The following ANKMY1 variants were observed in gnomAD, a reference collection of about 807,000 sequenced individuals.
ANKMY1 encodes the protein ankyrin repeat and MYND domain-containing protein 1.
In ANKMY1, 98 loss-of-function variants were observed where a neutral mutation model predicts 102.0. The observed-to-expected ratio is 0.96, with a 90% CI of 0.82 to 1.14. ANKMY1 has a LOEUF of 1.14. ANKMY1 is among the 50% of genes most tolerant of loss of function. ANKMY1 has a pLI of 0.00. For missense variants in ANKMY1, 1,330 were observed against 1,347.6 expected (o/e 0.99, Z 0.20); for synonymous variants, 582 against 559.9 (o/e 1.04, Z -0.56).
the ANKMY1 span, among the ~76,000 whole-genome samples, chr2:240,470,309 G>T: frequency 6.6e-6 from 1 of 152,210 alleles, no homozygotes; most frequent in Non-Finnish European, 1.5e-5. Flanking sequence ...AGCCATCAAA[G>T]AAGTGGGTAG....
intron 4 of ANKMY1, among the ~76,000 whole-genome samples, chr2:240,536,763 T>A (rs1035512805): frequency 9.2e-5 from 14 of 152,264 alleles, no homozygotes; most frequent in South Asian, 2.1e-4. Flanking sequence ...ATCAGGCAGT[T>A]AATAAAAAGA....
In ANKMY1 at chr2:240,537,772, C is replaced by T. The variant is rs544858366; in HGVS notation, c.481-8263G>A. Among the ~76,000 whole-genome samples, 112 of 152,358 alleles carry T rather than the reference C, an allele frequency of 7.4e-4. 1 individual carries two copies. The South Asian group carries it at 0.01, about 14-fold the overall frequency. On this transcript the variant is annotated intron_variant, in intron 4 of 17. Coordinates refer to ENST00000401804, the MANE Select transcript of ANKMY1 (RefSeq NM_001282771.3). The stretch of plus-strand genomic sequence containing the variant: ...AGTTTGGCCTAAAGGTTCTTCTGCA[C>T]GCTGTAAACCACAACAAGTGGAGGT...
In ANKMY1 at chr2:240,523,887, G is replaced by T. The variant is rs139230988; in HGVS notation, c.1830C>A (p.Ile610=). Residue 610 remains isoleucine, a splice_region_variant and synonymous_variant, in exon 8 of 18, where the codon ATC becomes ATA. Coordinates refer to ENST00000401804, the MANE Select transcript of ANKMY1 (RefSeq NM_001282771.3). ...GTMRRMALSM[I]ERRKRWRTIK... is the part of the protein sequence containing the mutation. ...CACCAGCTGGTGCCAGGACCTACTC[G>T]ATCATGGACAGCGCCATCCTCCGCA... The T allele has an allele frequency of 9.9e-6, 16 of 1,609,362 alleles. No homozygotes were observed. Among genetic ancestry groups the T allele is most frequent in the South Asian group, 2.2e-5 (2 of 91,008 alleles).
At chr2:240,560,487 C>T, upstream of ANKMY1, 1 of 789,734 alleles carries the variant, frequency 1.3e-6, no homozygotes, top group Non-Finnish European at 1.8e-6. Context: ...CATGCCCCGG[C>T]CCCAACGAGA....
At chr2:240,546,215 T>C (rs1030984962) in intron 4 of ANKMY1, among the ~76,000 whole-genome samples, 3 of 151,920 alleles carry the variant, frequency 2.0e-5, no homozygotes, top group Non-Finnish European at 4.4e-5. Context: ...TCAACATTCT[T>C]AAAGAAAAGA....
At chr2:240,507,438 C>A (rs2079282776) in intron 13 of ANKMY1, 122 bp downstream of exon 13, 2 of 1,251,906 alleles carry the variant, frequency 1.6e-6, no homozygotes, top group Non-Finnish European at 2.1e-6. Flanking sequence ...TACCCCTCAC[C>A]CAGGGCCACC....
chr2:240,511,881 C>T lies in ANKMY1; in HGVS notation c.2266G>A (p.Glu756Lys), dbSNP rs370283686. The stretch of plus-strand genomic sequence containing the variant: ...CTCACCTTGTTGTCATCCTCCCGCT[C>T]GCAGGCCATGTGCAGAGCCGTCCTG... ...GGRTALHMAC[E>K]REDDNKCARD... The change falls in exon 11 of 18, where the codon GAG becomes AAG. Residue 756 changes from glutamate to lysine, a missense_variant. Coordinates refer to ENST00000401804, the MANE Select transcript of ANKMY1 (RefSeq NM_001282771.3). 38 of 1,591,108 alleles carry T rather than the reference C, an allele frequency of 2.4e-5. No individual in the cohort carries two copies. Among genetic ancestry groups the T allele is most frequent in the East Asian group, 4.7e-5 (2 of 42,870 alleles).
intron 12 of ANKMY1, among the ~76,000 whole-genome samples, chr2:240,508,435 A>T (rs1201070830): frequency 6.6e-6 from 1 of 152,264 alleles, no homozygotes; most frequent in African/African-American, 2.4e-5. Context: ...GCCCCATTCT[A>T]CGTCAGCTTT....
intron 15 of ANKMY1, among the ~76,000 whole-genome samples, chr2:240,491,909 T>C (rs751465316): frequency 6.6e-5 from 10 of 152,254 alleles, no homozygotes; most frequent in Non-Finnish European, 1.5e-4. Context: ...TGTATCTTCC[T>C]GTGGTTCATT....
At chr2:240,517,037 G>A (rs1300928549) in intron 9 of ANKMY1, among the ~76,000 whole-genome samples, 1 of 152,066 alleles carries the variant, frequency 6.6e-6, no homozygotes, top group African/African-American at 2.4e-5. Flanking sequence ...TTTTTTCTCT[G>A]TCTTCCTGAC....
intron 17 of ANKMY1, among the ~76,000 whole-genome samples, chr2:240,480,187 G>A (rs1028602171): frequency 2.0e-5 from 3 of 152,158 alleles, no homozygotes; most frequent in African/African-American, 4.8e-5. Context: ...GCAAGACTTC[G>A]TCTCAAAAGA....
chr2:240,547,914 A>G (rs1314688786), intron 4 of ANKMY1, among the ~76,000 whole-genome samples: 1 of 152,226 alleles, frequency 6.6e-6, no homozygotes. Context: ...ATGGATTCAC[A>G]GCCGAATTCT....
chr2:240,492,730 G>A (rs926579709), intron 15 of ANKMY1, among the ~76,000 whole-genome samples: 8 of 151,572 alleles, frequency 5.3e-5, no homozygotes, highest in African/African-American at 1.2e-4. Context: ...TCACTGTGTC[G>A]CCCAGACTGG....
chr2:240,491,646 A>C (rs1329819753), intron 15 of ANKMY1, among the ~76,000 whole-genome samples: 1 of 152,158 alleles, frequency 6.6e-6, no homozygotes, highest in Non-Finnish European at 1.5e-5. Flanking sequence ...GGGTGACTTT[A>C]TATCTCCTTC....
chr2:240,497,532 C>A (rs890374722), intron 15 of ANKMY1, among the ~76,000 whole-genome samples: 3 of 152,202 alleles, frequency 2.0e-5, no homozygotes, highest in Non-Finnish European at 4.4e-5. Flanking sequence ...ATAAATGTTT[C>A]TTTGTATGCT....
Position 240,520,870 on chromosome 2 carries a change from C to T in ANKMY1, c.1833-337G>A, listed in dbSNP as rs2082100343. Among the ~76,000 whole-genome samples, 1 of 151,390 alleles carries T rather than the reference C, an allele frequency of 6.6e-6. No individual in the cohort carries two copies. The highest frequency in any genetic ancestry group is 2.4e-5 in the African/African-American group (1 of 41,184). On this transcript the variant is annotated intron_variant, in intron 8 of 17. Transcript: ENST00000401804. The surrounding 1 kb of genome is among the most constrained non-coding windows in gnomAD (Gnocchi z 4.8). ...GCACACACCATAGCACAGCGCACAC[C>T]ACACAGTACGCACACGGCACACCAC... is the stretch of plus-strand genomic sequence containing the variant.
rs12994526 is a variant in ANKMY1 at position 240,499,912 on chromosome 2, G to T, written c.2806+46C>A. On this transcript the variant is annotated intron_variant, in intron 15 of 17. Coordinates refer to ENST00000401804, the MANE Select transcript of ANKMY1 (RefSeq NM_001282771.3). The surrounding 1 kb of genome is among the most constrained non-coding windows in gnomAD (Gnocchi z 4.2). ...GGATAACAGCCCCAGGCACGAGGCC[G>T]GAACGCCGCCCTGTGGAGCAGAGCA... The T allele has an allele frequency of 0.28, 436,266 of 1,554,386 alleles. 67,695 individuals are homozygous for T. The highest frequency in any genetic ancestry group is 0.68 in the East Asian group (29,646 of 43,638).
At chr2:240,543,019 T>C (rs1055061204) in intron 4 of ANKMY1, among the ~76,000 whole-genome samples, 4 of 151,914 alleles carry the variant, frequency 2.6e-5, no homozygotes, top group African/African-American at 9.7e-5. Context: ...TCACGAGATT[T>C]AAGTAAATCT....
At chr2:240,526,134 C>T in intron 6 of ANKMY1, 95 bp downstream of exon 6, 2 of 1,445,476 alleles carry the variant, frequency 1.4e-6, no homozygotes, top group Admixed American at 3.4e-5. Flanking sequence ...TACCTCAGCT[C>T]TGCTCCTGCA....
Sources: gnomAD v4.1 joint callset for allele counts (sites outside exome capture counted in the v4.1 genomes callset) on GRCh38, gnomAD v4.1.1 for gene constraint, Gnocchi (gnomAD v3.1) non-coding constraint, MANE v1.5 for transcripts, NCBI Gene and HGNC (gene_info 2026-07-23, HGNC 2026-07-21) for gene names.